The following GPC6 variants were observed in gnomAD, a reference collection of about 807,000 sequenced individuals.
GPC6 encodes glypican 6, also known as glypican-6.
Under a neutral mutation model 55.2 loss-of-function variants are expected in GPC6, and 14 were observed. The ratio of observed to expected loss-of-function variants is 0.25; its 90% CI spans 0.17 to 0.40. The LOEUF (loss-of-function observed/expected upper bound fraction) is 0.40. Ranked by LOEUF, GPC6 falls within the 10% of genes least tolerant of loss-of-function variation. The pLI, the probability that GPC6 is intolerant of heterozygous loss-of-function variation, is 1.00. For missense variants in GPC6, 641 were observed against 708.5 expected (o/e 0.90, Z 1.08); for synonymous variants, 278 against 259.6 (o/e 1.07, Z -0.68).
chr13:93,432,622 A>C (rs543497803), intron 1 of GPC6, among the ~76,000 whole-genome samples: 20 of 152,278 alleles, frequency 1.3e-4, no homozygotes, highest in African/African-American at 4.8e-4. Context: ...CTAATGCCCC[A>C]AAATACCTCC....
intron 6 of GPC6, among the ~76,000 whole-genome samples, chr13:94,349,352 T>C (rs1878426973): frequency 6.6e-6 from 1 of 152,176 alleles, no homozygotes; most frequent in Non-Finnish European, 1.5e-5. Flanking sequence ...CTTGTCTCCC[T>C]ACTCCCTACT....
At chr13:93,677,910 A>G (rs1881704994) in intron 2 of GPC6, among the ~76,000 whole-genome samples, 1 of 152,194 alleles carries the variant, frequency 6.6e-6, no homozygotes, top group African/African-American at 2.4e-5. Context: ...ATTTGTGTTA[A>G]TATTTCAATT....
chr13:93,899,177 C>G (rs897337243), intron 3 of GPC6, among the ~76,000 whole-genome samples: 1 of 151,722 alleles, frequency 6.6e-6, no homozygotes, highest in Non-Finnish European at 1.5e-5. Context: ...TCATTCAACA[C>G]ATAATCTTGA....
intron 3 of GPC6, among the ~76,000 whole-genome samples, chr13:93,991,167 A>G (rs952093868): frequency 6.6e-6 from 1 of 151,992 alleles, no homozygotes; most frequent in Admixed American, 6.6e-5. Flanking sequence ...AATATAGAAC[A>G]GTGAAAAATT....
chr13:94,394,652 T>C (rs1475925467), intron 7 of GPC6, among the ~76,000 whole-genome samples: 2 of 152,062 alleles, frequency 1.3e-5, no homozygotes, highest in African/African-American at 4.8e-5. Context: ...TGGACATCTA[T>C]AGATTTAGAT....
In GPC6 at chr13:94,126,354, G is replaced by A. The variant is rs1179701777; in HGVS notation, c.877+98460G>A. 2.0e-5 allele frequency among the ~76,000 whole-genome samples: 3 copies of A among 152,166 alleles called. No individual in the cohort carries two copies. The East Asian group carries it at 5.8e-4, about 29-fold the overall frequency. On this transcript the variant is annotated intron_variant, in intron 4 of 8. Transcript: ENST00000377047. ...GCTCTGATCATGCAACTGTACTCCA[G>A]CCTGAGTGACAGAGCAAGACCCTGC... is the stretch of plus-strand genomic sequence containing the variant.
At chr13:93,925,269 G>T (rs1006465619) in intron 3 of GPC6, among the ~76,000 whole-genome samples, 2 of 152,060 alleles carry the variant, frequency 1.3e-5, no homozygotes, top group Non-Finnish European at 2.9e-5. Context: ...TAACTCCAAA[G>T]TCTTTTCTAT....
At chr13:94,174,104 C>G (rs1033232063) in intron 4 of GPC6, among the ~76,000 whole-genome samples, 6 of 152,106 alleles carry the variant, frequency 3.9e-5, no homozygotes, top group Admixed American at 3.9e-4. Context: ...AAATCATGTA[C>G]TACTGTAGGT....
chr13:93,441,535 G>T (rs1246554778), intron 1 of GPC6, among the ~76,000 whole-genome samples: 1 of 151,988 alleles, frequency 6.6e-6, no homozygotes, highest in African/African-American at 2.4e-5. Context: ...CTTTTTGATG[G>T]GGTTGTTTGA....
At chr13:93,984,870 T>A (rs1880955282) in intron 3 of GPC6, among the ~76,000 whole-genome samples, 1 of 152,210 alleles carries the variant, frequency 6.6e-6, no homozygotes. Context: ...CTTAGATAAC[T>A]GGCTCTGAAT....
chr13:93,265,387 C>T (rs955289618), intron 1 of GPC6, among the ~76,000 whole-genome samples: 2 of 152,178 alleles, frequency 1.3e-5, no homozygotes, highest in Admixed American at 6.5e-5. Context: ...TTTGAGTACT[C>T]GCATGACACC....
intron 4 of GPC6, among the ~76,000 whole-genome samples, chr13:94,267,106 C>T (rs569076658): frequency 6.6e-6 from 1 of 152,210 alleles, no homozygotes; most frequent in Non-Finnish European, 1.5e-5. Context: ...TTCTCACCAA[C>T]AACAAAAATG....
intron 2 of GPC6, among the ~76,000 whole-genome samples, chr13:93,691,101 T>A (rs1440088266): frequency 6.6e-6 from 1 of 152,108 alleles, no homozygotes; most frequent in African/African-American, 2.4e-5. Flanking sequence ...CCTTACCAAA[T>A]AAAGAGAACA....
chr13:93,917,202 A>G (rs949114253), intron 3 of GPC6, among the ~76,000 whole-genome samples: 3 of 152,218 alleles, frequency 2.0e-5, no homozygotes, highest in Non-Finnish European at 1.5e-5. Flanking sequence ...TTAATATTCA[A>G]AAACAAGTCA....
intron 2 of GPC6, among the ~76,000 whole-genome samples, chr13:93,697,184 C>T (rs1882490910): frequency 6.6e-6 from 1 of 152,142 alleles, no homozygotes; most frequent in African/African-American, 2.4e-5. Context: ...TATCAGCTCT[C>T]ACTTCCCTTC....
intron 5 of GPC6, among the ~76,000 whole-genome samples, chr13:94,301,824 A>G (rs1031009588): frequency 6.6e-6 from 1 of 152,204 alleles, no homozygotes; most frequent in African/African-American, 2.4e-5. Flanking sequence ...ATCTCCAGCC[A>G]TAACCAACTG....
intron 4 of GPC6, among the ~76,000 whole-genome samples, chr13:94,114,526 G>T (rs1025244632): frequency 3.9e-5 from 6 of 152,128 alleles, no homozygotes; most frequent in Non-Finnish European, 8.8e-5. Flanking sequence ...GATCTATTAG[G>T]CTGGGAAGTT....
At position 94,398,268 on chromosome 13, in the gene GPC6, T is replaced by A. The variant is rs74379125; in HGVS notation, c.1290-198T>A. On this transcript the variant is annotated intron_variant, in intron 7 of 8. Coordinates refer to ENST00000377047, the MANE Select transcript of GPC6 (RefSeq NM_005708.5). ...AAAAAAAAAAACTAGTCTGAGGCTA[T>A]TTTAGCCACATCTTCATCTGAAAAA... Among the ~76,000 whole-genome samples, 477 of 152,160 alleles carry A rather than the reference T, an allele frequency of 3.1e-3. 4 individuals are homozygous for A. The highest frequency in any genetic ancestry group is 0.011 in the African/African-American group (450 of 41,476).
intron 2 of GPC6, among the ~76,000 whole-genome samples, chr13:93,760,272 G>A (rs193216158): frequency 1.4e-5 from 2 of 148,032 alleles, no homozygotes; most frequent in African/African-American, 2.4e-5. Flanking sequence ...CCTTTCTCTT[G>A]ACCACCATGT....
Sources: gnomAD v4.1 joint callset for allele counts (sites outside exome capture counted in the v4.1 genomes callset) on GRCh38, gnomAD v4.1.1 for gene constraint, MANE v1.5 for transcripts, NCBI Gene and HGNC (gene_info 2026-07-23, HGNC 2026-07-21) for gene names.